The following NLN variants were observed in gnomAD, a reference collection of about 807,000 sequenced individuals.
NLN encodes neurolysin, also known as neurolysin, mitochondrial.
Under a neutral mutation model 79.9 loss-of-function variants are expected in NLN, and 64 were observed. The ratio of observed to expected loss-of-function variants is 0.80; its 90% CI spans 0.65 to 0.99. The LOEUF (loss-of-function observed/expected upper bound fraction) is 0.99, where lower values mean the gene tolerates loss of function less well. NLN is among the 50% of genes least tolerant of loss of function. The probability of loss-of-function intolerance (pLI) is 0.00; values close to 1 mark genes in which losing one functional copy is unlikely to be tolerated. For synonymous variants in NLN, 267 were observed against 296.6 expected (o/e 0.90, Z 1.02); for missense variants, 835 against 858.7 (o/e 0.97, Z 0.34).
intron 9 of NLN, among the ~76,000 whole-genome samples, chr5:65,804,214 G>A (rs1666254430): frequency 6.6e-6 from 1 of 152,196 alleles, no homozygotes; most frequent in Admixed American, 6.5e-5. Flanking sequence ...GGGTTATGAA[G>A]TCAGACTGCC....
intron 1 of NLN, among the ~76,000 whole-genome samples, chr5:65,751,365 G>A (rs965633658): frequency 2.0e-5 from 3 of 152,138 alleles, no homozygotes; most frequent in Non-Finnish European, 2.9e-5. Flanking sequence ...GAGGGAAGAT[G>A]GTGTTGCTTT....
At chr5:65,771,912 A>G (rs761727830) in intron 3 of NLN, among the ~76,000 whole-genome samples, 1 of 152,038 alleles carries the variant, frequency 6.6e-6, no homozygotes, top group Non-Finnish European at 1.5e-5. Context: ...AAATGAAGAG[A>G]TAAAAATTTT....
At chr5:65,761,617 A>G (rs943045438) in intron 2 of NLN, among the ~76,000 whole-genome samples, 33 of 152,356 alleles carry the variant, frequency 2.2e-4, no homozygotes, top group African/African-American at 7.5e-4. Flanking sequence ...AACATATTGC[A>G]ACCATATAGT....
intron 7 of NLN, among the ~76,000 whole-genome samples, chr5:65,787,744 T>C (rs142752998): frequency 8.7e-4 from 133 of 152,354 alleles, no homozygotes; most frequent in African/African-American, 3.1e-3. Flanking sequence ...ACTGTCTTCA[T>C]TGAAGAATAA....
At position 65,777,447 on chromosome 5, in the gene NLN, G is replaced by A. The variant is rs189170328; in HGVS notation, c.471G>A (p.Lys157=). 12 of 1,612,138 alleles carry A rather than the reference G, an allele frequency of 7.4e-6. No individual in the cohort carries two copies. The East Asian group carries it at 2.7e-4, about 36-fold the overall frequency. The change falls in exon 4 of 13, where the codon AAG becomes AAA. Residue 157 remains lysine, a synonymous_variant. Transcript: ENST00000380985. The part of the protein sequence containing the change: ...VHLQETCDLG[K]IKPEARRYLE... Reference sequence around the variant, plus strand: ...TTCAGGAAACCTGTGATCTGGGGAAGATAAAACCTGAGGCCAGACGATACT... The same window carrying A: ...TTCAGGAAACCTGTGATCTGGGGAAAATAAAACCTGAGGCCAGACGATACT...
chr5:65,821,764 G>T (rs1026345203), intron 12 of NLN, among the ~76,000 whole-genome samples: 2 of 152,066 alleles, frequency 1.3e-5, no homozygotes, highest in Admixed American at 1.3e-4. Flanking sequence ...TAGCCAAAAG[G>T]TAACCCCAAA....
At chr5:65,760,334 C>T (rs1759311893) in intron 2 of NLN, among the ~76,000 whole-genome samples, 1 of 152,178 alleles carries the variant, frequency 6.6e-6, no homozygotes, top group South Asian at 2.1e-4. Flanking sequence ...TGAATTTAAA[C>T]TCGTGAATAA....
At position 65,758,787 on chromosome 5, in the gene NLN, T is replaced by A. The variant is rs764180949; in HGVS notation, c.262T>A (p.Cys88Ser). 6.2e-7 allele frequency: 1 copy of A among 1,613,818 alleles called. No individual in the cohort carries two copies. The highest frequency in any genetic ancestry group is 1.1e-5 in the South Asian group (1 of 91,062). The change falls in exon 2 of 13, where the codon TGT (cysteine) becomes AGT (serine). Residue 88 changes from cysteine (C) to serine (S), a missense_variant. Cys to Ser is a moderately radical substitution (Grantham distance 112, BLOSUM62 -1). Coordinates refer to ENST00000380985, the MANE Select transcript of NLN (RefSeq NM_020726.5). ...TATTGAGGAAGTAACTTACGAGAAC[T>A]GTCTGCAGGCACTGGCAGATGTAGA... is the stretch of plus-strand genomic sequence containing the variant. ...LGIEEVTYEN[C>S]LQALADVEVK...
chr5:65,749,975 A>G lies in NLN; in HGVS notation c.42-8592A>G, dbSNP rs138131469. On this transcript the variant is annotated intron_variant, in intron 1 of 12. Coordinates refer to ENST00000380985, the MANE Select transcript of NLN (RefSeq NM_020726.5). The stretch of plus-strand genomic sequence containing the variant: ...TAGATGAGTGTTTTAACACTCCTGC[A>G]CACATGAGCTACTCGGTAAATGAGT... Among the ~76,000 whole-genome samples, 204 of 152,306 alleles carry G rather than the reference A, an allele frequency of 1.3e-3. 3 individuals are homozygous for G. The highest frequency in any genetic ancestry group is 2.8e-3 in the Non-Finnish European group (191 of 68,026).
At chr5:65,746,790 G>T (rs868435773) in intron 1 of NLN, among the ~76,000 whole-genome samples, 1 of 152,022 alleles carries the variant, frequency 6.6e-6, no homozygotes, top group South Asian at 2.1e-4. Context: ...GGATCACAAG[G>T]TCAGGAGATC....
chr5:65,794,596 C>A (rs1760131098), intron 9 of NLN, among the ~76,000 whole-genome samples: 1 of 151,794 alleles, frequency 6.6e-6, no homozygotes, highest in African/African-American at 2.4e-5. Context: ...AAAAGTGAGA[C>A]CCGGTCTCAA....
intron 6 of NLN, among the ~76,000 whole-genome samples, chr5:65,783,121 G>A (rs1759834084): frequency 6.6e-6 from 1 of 152,186 alleles, no homozygotes; most frequent in Non-Finnish European, 1.5e-5. Context: ...CCAGAAAGTA[G>A]ATTAGAGGTT....
In NLN at chr5:65,792,660, G is replaced by GTTTTTTTTTTTT; in HGVS notation, c.1527+15_1527+16insTTTTTTTTTTTT. 1 of 1,516,974 alleles carries GTTTTTTTTTTTT rather than the reference G, an allele frequency of 6.6e-7. No homozygotes were observed. The highest frequency in any genetic ancestry group is 9.0e-7 in the Non-Finnish European group (1 of 1,109,602). The allele number at this position is 1,516,974 out of a possible 1,614,324, so 94.0% of individuals were successfully genotyped here. A position where few individuals can be genotyped will look rare whatever the true frequency, so the allele number is the denominator to read the frequency against. On this transcript the variant is annotated splice_donor_region_variant and intron_variant, in intron 9 of 12. Transcript: ENST00000380985. ...ATGCATCAGATTTGTGCACAGGTGA[G>GTTTTTTTTTTTT]TTTTTTTTTTCCCCCAGTAAACCTG... is the stretch of plus-strand genomic sequence containing the variant.
At chr5:65,785,371 T>TA (rs1404955221) in intron 6 of NLN, among the ~76,000 whole-genome samples, 1 of 152,132 alleles carries the variant, frequency 6.6e-6, no homozygotes, top group East Asian at 1.9e-4. Context: ...GGTATGAAAT[T>TA]AAAAAGATAA....
intron 6 of NLN, among the ~76,000 whole-genome samples, chr5:65,783,228 T>A (rs1203268734): frequency 2.0e-5 from 3 of 152,212 alleles, no homozygotes; most frequent in Non-Finnish European, 4.4e-5. Flanking sequence ...ATGGTAGTGG[T>A]TGCACAATAG....
intron 2 of NLN, among the ~76,000 whole-genome samples, chr5:65,761,987 C>G (rs1759349947): frequency 6.6e-6 from 1 of 152,184 alleles, no homozygotes; most frequent in African/African-American, 2.4e-5. Flanking sequence ...CATAACACAA[C>G]CATCACTATA....
rs776965590 is a variant in NLN at position 65,758,638 on chromosome 5, C to T, written c.113C>T (p.Ser38Phe). The T allele has an allele frequency of 6.2e-7, 1 of 1,612,658 alleles. No individual in the cohort carries two copies. Among genetic ancestry groups the T allele is most frequent in the South Asian group, 1.1e-5 (1 of 91,048 alleles). The part of the protein sequence containing the change: ...REVMSPLQAM[S>F]SYTVAGRNVL... ...GTGATGTCTCCTCTTCAGGCAATGT[C>T]TTCCTATACTGTGGCTGGCAGAAAT... Residue 38 changes from serine to phenylalanine, a missense_variant, in exon 2 of 13, where the codon TCT (serine) becomes TTT (phenylalanine). Physicochemically the swap from Ser to Phe is radical, Grantham distance 155. Transcript: ENST00000380985.
chr5:65,790,501 A>G (rs1325757498), intron 8 of NLN, among the ~76,000 whole-genome samples: 1 of 152,222 alleles, frequency 6.6e-6, no homozygotes, highest in African/African-American at 2.4e-5. Flanking sequence ...GGCGGCAGGA[A>G]GGGGAAGTGC....
intron 1 of NLN, among the ~76,000 whole-genome samples, chr5:65,757,739 A>G (rs1311296261): frequency 1.3e-5 from 2 of 152,052 alleles, no homozygotes. Context: ...TTTTAGGATA[A>G]TGGCATAGCT....
Sources: allele counts gnomAD v4.1 joint callset (sites outside exome capture counted in the v4.1 genomes callset), GRCh38; gene constraint gnomAD v4.1.1; transcripts MANE v1.5; gene names NCBI Gene and HGNC (gene_info 2026-07-23, HGNC 2026-07-21).